Variants in PIK3R6 observed in about 807,000 individuals in gnomAD.
The protein encoded by PIK3R6 is phosphoinositide-3-kinase regulatory subunit 6.
A neutral mutation model predicts 84.9 loss-of-function variants in PIK3R6; 91 were observed. The ratio of observed to expected loss-of-function variants is 1.07; its 90% confidence interval spans 0.90 to 1.28. The LOEUF (loss-of-function observed/expected upper bound fraction) is 1.28. PIK3R6 is among the 50% of genes most tolerant of loss of function. PIK3R6 has a pLI of 0.00. For missense variants in PIK3R6, 996 were observed against 985.1 expected, an observed-to-expected ratio of 1.01 and a Z score of -0.15; for synonymous variants, 416 against 411.4, an observed-to-expected ratio of 1.01 and a Z score of -0.13.
chr17:8,809,620 C>A (rs1005619564), intron 18 of PIK3R6, among the ~76,000 whole-genome samples: 1 of 152,030 alleles, frequency 6.6e-6, no homozygotes, highest in African/African-American at 2.4e-5. Flanking sequence ...CGTAGTGAAA[C>A]CTCTTCTCTA....
intron 1 of PIK3R6, among the ~76,000 whole-genome samples, chr17:8,860,830 G>A (rs1027022793): frequency 2.6e-5 from 4 of 152,046 alleles, no homozygotes; most frequent in South Asian, 2.1e-4. Flanking sequence ...CTCTGAAGCC[G>A]GGGGCAGTGC....
intron 10 of PIK3R6, 93 bp downstream of exon 10, chr17:8,829,601 TACACACACTGAC>T: frequency 8.9e-7 from 1 of 1,126,190 alleles, no homozygotes; most frequent in Non-Finnish European, 1.3e-6. Flanking sequence ...CACTCATGCA[TACACACACTGAC>T]ACACGCATGC....
chr17:8,839,549 T>G lies in PIK3R6; in HGVS notation c.97+65A>C. On this transcript the variant is annotated intron_variant, in intron 3 of 19. Transcript: ENST00000619866. The surrounding 1 kb of genome is among the most constrained non-coding windows in gnomAD (Gnocchi z 4.2). ...GCCGGGGCTCTTTCCTGTATGCGCG[T>G]GTATTGTTGGCTGGGGTTGGGTGGA... 3.0e-6 allele frequency: 4 copies of G among 1,321,176 alleles called. No individual in the cohort carries two copies. The highest frequency in any genetic ancestry group is 4.2e-6 in the Non-Finnish European group (4 of 946,586). 81.8% of individuals were successfully genotyped at this position (1,321,176 alleles called of 1,614,324 possible).
At chr17:8,854,154 T>C (rs2089060545) in intron 1 of PIK3R6, among the ~76,000 whole-genome samples, 1 of 151,094 alleles carries the variant, frequency 6.6e-6, no homozygotes. Context: ...CACTCCTTTA[T>C]TTTTATTTTT....
chr17:8,847,171 T>G (rs1038605630), intron 2 of PIK3R6, among the ~76,000 whole-genome samples: 2 of 152,200 alleles, frequency 1.3e-5, no homozygotes, highest in African/African-American at 4.8e-5. Flanking sequence ...GTTCTCCCTG[T>G]TTGATAGATT....
intron 8 of PIK3R6, among the ~76,000 whole-genome samples, chr17:8,834,218 T>C (rs2088373052): frequency 7.4e-6 from 1 of 135,308 alleles, no homozygotes; most frequent in African/African-American, 2.8e-5. Flanking sequence ...GTTCCAAGCA[T>C]AGGGAGTAGC....
intron 14 of PIK3R6, 34 bp downstream of exon 14, chr17:8,823,353 T>C (rs745408506): frequency 4.7e-6 from 7 of 1,481,494 alleles, no homozygotes; most frequent in Non-Finnish European, 5.6e-6. Flanking sequence ...GGTGGGGTCC[T>C]GGGGTCCCTT....
At chr17:8,829,607 C>A in intron 10 of PIK3R6, 99 bp downstream of exon 10, 3 of 1,240,248 alleles carry the variant, frequency 2.4e-6, no homozygotes, top group Non-Finnish European at 3.4e-6. Flanking sequence ...TGCATACACA[C>A]ACTGACACAC....
intron 2 of PIK3R6, among the ~76,000 whole-genome samples, chr17:8,847,538 C>T (rs1172745184): frequency 2.6e-5 from 4 of 152,152 alleles, no homozygotes; most frequent in African/African-American, 7.2e-5. Context: ...CAGTGGCTCA[C>T]GCCTGTAATC....
intron 8 of PIK3R6, 143 bp from the exon 9 acceptor site, chr17:8,833,188 G>C (rs2088323300): frequency 2.4e-6 from 3 of 1,228,532 alleles, no homozygotes; most frequent in African/African-American, 3.1e-5. Context: ...TCCCCCGAAG[G>C]CTTCTGGATC....
intron 2 of PIK3R6, among the ~76,000 whole-genome samples, chr17:8,847,815 AATC>A (rs1369816281): frequency 6.6e-6 from 1 of 152,048 alleles, no homozygotes; most frequent in Non-Finnish European, 1.5e-5. Context: ...AAAAAAAAAA[AATC>A]ATAATGTGGA....
intron 13 of PIK3R6, among the ~76,000 whole-genome samples, chr17:8,826,557 C>G (rs944947439): frequency 6.6e-6 from 1 of 152,204 alleles, no homozygotes; most frequent in Non-Finnish European, 1.5e-5. Context: ...TGTTCTCACT[C>G]GTAAGTGGGA....
At chr17:8,820,857 A>G (rs2087711776) in intron 17 of PIK3R6, among the ~76,000 whole-genome samples, 1 of 152,218 alleles carries the variant, frequency 6.6e-6, no homozygotes, top group Non-Finnish European at 1.5e-5. Flanking sequence ...GTGGTTGGAT[A>G]GGAGAGGAGG....
chr17:8,846,033 A>G (rs1217903026), intron 2 of PIK3R6, among the ~76,000 whole-genome samples: 1 of 152,240 alleles, frequency 6.6e-6, no homozygotes, highest in Admixed American at 6.5e-5. Flanking sequence ...GGACTTAGTC[A>G]TAAATTCTTT....
chr17:8,830,163 A>G (rs1036566351), intron 9 of PIK3R6, among the ~76,000 whole-genome samples: 1 of 152,170 alleles, frequency 6.6e-6, no homozygotes, highest in African/African-American at 2.4e-5. Flanking sequence ...CTGCATCCAG[A>G]CGAGGCAGGA....
chr17:8,808,070 C>T (rs1381749675), intron 18 of PIK3R6, among the ~76,000 whole-genome samples: 1 of 152,080 alleles, frequency 6.6e-6, no homozygotes, highest in Non-Finnish European at 1.5e-5. Flanking sequence ...AGAAGTGTTC[C>T]ATCGGGACAA....
At chr17:8,837,744 T>G in intron 5 of PIK3R6, 59 bp downstream of exon 5, 1 of 1,421,836 alleles carries the variant, frequency 7.0e-7, no homozygotes, top group Non-Finnish European at 9.8e-7. Flanking sequence ...AAGGGGAGAG[T>G]GTCCAGCCCA....
Position 8,803,050 on chromosome 17 carries a change from C to T in PIK3R6, c.*223G>A, listed in dbSNP as rs1277475767. 5.3e-6 allele frequency: 3 copies of T among 563,022 alleles called. No individual in the cohort carries two copies. Among genetic ancestry groups the T allele is most frequent in the Non-Finnish European group, 3.1e-6 (1 of 318,164 alleles). The allele number at this position is 563,022 out of a possible 1,614,324, so 34.9% of individuals were successfully genotyped here. A position where few individuals can be genotyped will look rare whatever the true frequency, so the allele number is the denominator to read the frequency against. ...AGAAGCTGGGCTTGGTGTGTATGTTCTCAAGCAGCGACAGCATTGCCTGGG... is the reference window on the plus strand; with the variant it reads ...AGAAGCTGGGCTTGGTGTGTATGTTTTCAAGCAGCGACAGCATTGCCTGGG... On this transcript the variant is annotated 3_prime_UTR_variant, in exon 20 of 20. Coordinates refer to ENST00000619866, the MANE Select transcript of PIK3R6 (RefSeq NM_001010855.4). This position sits in a 1 kb window ranked among gnomAD's most constrained non-coding sequence, Gnocchi z 5.0.
chr17:8,862,749 C>T lies in PIK3R6; in HGVS notation c.-92+4780G>A, dbSNP rs116825973. ...TCCCTCCCCCCGTAGCGCAAGAATACGACATTACAGGACAGCAATACACCA... is the reference window on the plus strand; with the variant it reads ...TCCCTCCCCCCGTAGCGCAAGAATATGACATTACAGGACAGCAATACACCA... On this transcript the variant is annotated intron_variant, in intron 1 of 19. Coordinates refer to ENST00000619866, the MANE Select transcript of PIK3R6 (RefSeq NM_001010855.4). This position sits in a 1 kb window ranked among gnomAD's most constrained non-coding sequence, Gnocchi z 4.3. Among the ~76,000 whole-genome samples, 1,170 of 152,222 alleles carry T rather than the reference C, an allele frequency of 7.7e-3. 14 individuals are homozygous for T. Among genetic ancestry groups the T allele is most frequent in the African/African-American group, 0.027 (1,111 of 41,536 alleles).
Sources: gnomAD v4.1 joint callset for allele counts (sites outside exome capture counted in the v4.1 genomes callset) on GRCh38, gnomAD v4.1.1 for gene constraint, Gnocchi (gnomAD v3.1) non-coding constraint, MANE v1.5 for transcripts, NCBI Gene and HGNC (gene_info 2026-07-23, HGNC 2026-07-21) for gene names.